DAB1: variants seen among roughly 807,000 people sequenced by gnomAD.
DAB1 encodes DAB adaptor protein 1.
Under a neutral mutation model 64.6 loss-of-function variants are expected in DAB1, and 15 were observed. The ratio of observed to expected loss-of-function variants is 0.23; its 90% confidence interval spans 0.16 to 0.36. The LOEUF (loss-of-function observed/expected upper bound fraction) is 0.36, where lower values mean the gene tolerates loss of function less well. Among genes scored for constraint, DAB1 ranks in the 10% least tolerant of loss-of-function variants. The probability of loss-of-function intolerance (pLI) is 1.00; values close to 1 mark genes in which losing one functional copy is unlikely to be tolerated. For missense variants in DAB1, 596 were observed against 706.7 expected, an observed-to-expected ratio of 0.84 and a Z score of 1.78; for synonymous variants, 235 against 251.9, an observed-to-expected ratio of 0.93 and a Z score of 0.64.
intron 4 of DAB1, among the ~76,000 whole-genome samples, chr1:58,262,989 C>T (rs1378058551): frequency 2.0e-5 from 3 of 152,090 alleles, no homozygotes; most frequent in Non-Finnish European, 2.9e-5. Flanking sequence ...GTAACATGAG[C>T]GAGAAATAAA....
intron 4 of DAB1, among the ~76,000 whole-genome samples, chr1:58,186,275 G>C (rs1418813742): frequency 6.6e-6 from 1 of 152,154 alleles, no homozygotes; most frequent in African/African-American, 2.4e-5. Context: ...AGAATGAATG[G>C]AAGCTTTTCC....
chr1:57,962,589 A>T (rs1215520059), intron 5 of DAB1, among the ~76,000 whole-genome samples: 1 of 152,180 alleles, frequency 6.6e-6, no homozygotes, highest in Admixed American at 6.6e-5. Context: ...TCCCAGGAAG[A>T]GGCCAGGTGT....
chr1:57,896,747 G>C (rs1276376214), intron 5 of DAB1, among the ~76,000 whole-genome samples: 2 of 152,158 alleles, frequency 1.3e-5, no homozygotes, highest in Admixed American at 1.3e-4. Flanking sequence ...TATACATAAA[G>C]TATTTAGAAA....
intron 3 of DAB1, among the ~76,000 whole-genome samples, chr1:58,500,338 G>C (rs1645886257): frequency 6.6e-6 from 1 of 152,128 alleles, no homozygotes; most frequent in Non-Finnish European, 1.5e-5. Flanking sequence ...AAGGTGAACA[G>C]TGTATGTTTG....
intron 2 of DAB1, among the ~76,000 whole-genome samples, chr1:57,169,295 A>T (rs1661504408): frequency 6.6e-6 from 1 of 152,164 alleles, no homozygotes; most frequent in Non-Finnish European, 1.5e-5. Flanking sequence ...CTTTACTCAT[A>T]TTTACAGAAC....
chr1:57,112,462 G>A (rs1239167563), intron 4 of DAB1, among the ~76,000 whole-genome samples: 1 of 152,086 alleles, frequency 6.6e-6, no homozygotes, highest in African/African-American at 2.4e-5. Flanking sequence ...TGTCTTCTAC[G>A]TGAGAAATTC....
At chr1:57,216,200 A>G (rs1309870652) in intron 2 of DAB1, among the ~76,000 whole-genome samples, 1 of 152,030 alleles carries the variant, frequency 6.6e-6, no homozygotes, top group Non-Finnish European at 1.5e-5. Context: ...TTAGCTGTGT[A>G]GCCTTAGGAA....
rs538023529 is a variant in DAB1 at position 57,800,054 on chromosome 1, C to T, written n.551+83945G>A. Among the ~76,000 whole-genome samples the T allele has an allele frequency of 3.3e-5, 5 of 152,244 alleles. No individual in the cohort carries two copies. The South Asian group carries it at 6.2e-4, about 19-fold the overall frequency. ...AACACTACGATCAATTGTGCATTTA[C>T]GATCTGCCATGTGTTTTATCTGTAT... On this transcript the variant is annotated intron_variant and non_coding_transcript_variant, in intron 6 of 20. Transcript: ENST00000485760.
At chr1:58,055,495 C>T (rs1366467585) in intron 5 of DAB1, among the ~76,000 whole-genome samples, 1 of 151,742 alleles carries the variant, frequency 6.6e-6, no homozygotes, top group Non-Finnish European at 1.5e-5. Flanking sequence ...AGCACTTAAT[C>T]ATCTTCTGAC....
At chr1:58,140,179 ATTCTCAT>A (rs1654199194) in intron 5 of DAB1, among the ~76,000 whole-genome samples, 1 of 152,130 alleles carries the variant, frequency 6.6e-6, no homozygotes, top group Non-Finnish European at 1.5e-5. Context: ...TACCAAGGTA[ATTCTCAT>A]TGTTTGGTTA....
At chr1:57,952,821 G>A (rs1645306726) in intron 5 of DAB1, among the ~76,000 whole-genome samples, 1 of 152,004 alleles carries the variant, frequency 6.6e-6, no homozygotes. Flanking sequence ...CCTCACTAAG[G>A]GGTGGTTCTG....
At chr1:57,513,812 T>TGTG (rs764862488) in intron 7 of DAB1, among the ~76,000 whole-genome samples, 1 of 152,216 alleles carries the variant, frequency 6.6e-6, no homozygotes, top group Non-Finnish European at 1.5e-5. Context: ...GCTGAAATTT[T>TGTG]GTGTTCTTTG....
intron 7 of DAB1, among the ~76,000 whole-genome samples, chr1:57,608,252 C>A (rs1234587048): frequency 6.6e-6 from 1 of 152,066 alleles, no homozygotes; most frequent in African/African-American, 2.4e-5. Flanking sequence ...CACACATACA[C>A]AATGTAACCT....
intron 5 of DAB1, among the ~76,000 whole-genome samples, chr1:58,147,122 T>C (rs1180757494): frequency 1.3e-5 from 2 of 151,294 alleles, no homozygotes; most frequent in East Asian, 3.9e-4. Flanking sequence ...ACCTGACCAA[T>C]ATGGTGAAAC....
intron 5 of DAB1, among the ~76,000 whole-genome samples, chr1:58,011,274 G>A (rs1415036896): frequency 6.6e-6 from 1 of 152,218 alleles, no homozygotes; most frequent in Non-Finnish European, 1.5e-5. Flanking sequence ...AAGTATTCTT[G>A]TATTGGCCTG....
At chr1:57,089,177 C>T (rs563414537) in intron 4 of DAB1, among the ~76,000 whole-genome samples, 5 of 152,244 alleles carry the variant, frequency 3.3e-5, no homozygotes, top group Non-Finnish European at 1.5e-5. Context: ...ACAGAAAGTG[C>T]TTAATAAATG....
At chr1:58,201,581 C>T (rs1657997315) in intron 4 of DAB1, among the ~76,000 whole-genome samples, 1 of 152,190 alleles carries the variant, frequency 6.6e-6, no homozygotes, top group African/African-American at 2.4e-5. Context: ...CTCAGGGTTT[C>T]ACAGAGAGTC....
intron 4 of DAB1, among the ~76,000 whole-genome samples, chr1:57,112,834 G>C (rs1185191322): frequency 6.6e-6 from 1 of 152,096 alleles, no homozygotes; most frequent in Non-Finnish European, 1.5e-5. Flanking sequence ...CTAGACAGTA[G>C]GGGGTACAAA....
chr1:57,127,764 T>A (rs1425509008), intron 4 of DAB1, among the ~76,000 whole-genome samples: 1 of 152,210 alleles, frequency 6.6e-6, no homozygotes, highest in East Asian at 1.9e-4. Flanking sequence ...TAATTAATAG[T>A]TGTATTGTAA....
Sources: gnomAD v4.1 joint callset for allele counts (sites outside exome capture counted in the v4.1 genomes callset) on GRCh38, gnomAD v4.1.1 for gene constraint, MANE v1.5 for transcripts, NCBI Gene and HGNC (gene_info 2026-07-23, HGNC 2026-07-21) for gene names.